MRPL45: variants seen among roughly 807,000 people sequenced by gnomAD.
MRPL45 encodes the protein mitochondrial ribosomal protein L45, also known as large ribosomal subunit protein mL45.
A neutral mutation model predicts 38.1 loss-of-function variants in MRPL45; 20 were observed. The ratio of observed to expected loss-of-function variants is 0.53; its 90% CI spans 0.37 to 0.76. The LOEUF (loss-of-function observed/expected upper bound fraction) is 0.76, where lower values mean the gene tolerates loss of function less well. MRPL45 is among the 30% of genes least tolerant of loss of function. The pLI, the probability that MRPL45 is intolerant of heterozygous loss-of-function variation, is 0.00. For missense variants in MRPL45, 337 were observed against 395.6 expected (o/e 0.85, Z 1.26); for synonymous variants, 105 against 128.8 (o/e 0.82, Z 1.25).
intron 4 of MRPL45, among the ~76,000 whole-genome samples, chr17:38,309,086 T>C (rs1322769771): frequency 1.3e-5 from 2 of 151,022 alleles, no homozygotes; most frequent in African/African-American, 2.4e-5. Flanking sequence ...TTTGTATTTT[T>C]AGTAGAGACA....
chr17:38,313,170 G>A (rs542122270), intron 4 of MRPL45, among the ~76,000 whole-genome samples: 58 of 149,582 alleles, frequency 3.9e-4, no homozygotes, highest in African/African-American at 1.3e-3. Flanking sequence ...ATTTTTAGTA[G>A]AGATGGGGTT....
chr17:38,314,166 G>A (rs193223831), intron 4 of MRPL45, among the ~76,000 whole-genome samples: 39 of 151,086 alleles, frequency 2.6e-4, no homozygotes, highest in Admixed American at 2.2e-3. Context: ...GTGCAATGGC[G>A]TGATCTCGGC....
intron 4 of MRPL45, among the ~76,000 whole-genome samples, chr17:38,314,403 G>A (rs1250054790): frequency 1.3e-5 from 2 of 152,098 alleles, no homozygotes; most frequent in South Asian, 2.1e-4. Flanking sequence ...TGCGCCTGCC[G>A]TCTTTTCACT....
At chr17:38,319,683 C>T (rs1268470891) in intron 5 of MRPL45, among the ~76,000 whole-genome samples, 1 of 152,158 alleles carries the variant, frequency 6.6e-6, no homozygotes, top group Non-Finnish European at 1.5e-5. Flanking sequence ...CATCTCCACA[C>T]GCCTGCACTA....
intron 4 of MRPL45, among the ~76,000 whole-genome samples, chr17:38,317,136 A>C (rs915803430): frequency 1.2e-4 from 18 of 152,098 alleles, no homozygotes; most frequent in African/African-American, 4.3e-4. Flanking sequence ...TAGAAGTAGT[A>C]TTACATTATT....
Position 38,297,254 on chromosome 17 carries a change from G to A in MRPL45, c.66+5G>A. The A allele has an allele frequency of 2.5e-6, 4 of 1,613,998 alleles. No individual in the cohort carries two copies. Among genetic ancestry groups the A allele is most frequent in the Non-Finnish European group, 8.5e-7 (1 of 1,179,862 alleles). ...TTGGGCTGGTGGTCTCGGCAGGTGG[G>A]TAGGGACGGGGCCGATAGGACCCTA... On this transcript the variant is annotated splice_donor_5th_base_variant and intron_variant, in intron 1 of 7. Coordinates refer to ENST00000613675, the MANE Select transcript of MRPL45 (RefSeq NM_032351.6).
chr17:38,301,048 G>A (rs1030105103), intron 3 of MRPL45, among the ~76,000 whole-genome samples: 5 of 152,162 alleles, frequency 3.3e-5, no homozygotes, highest in Non-Finnish European at 5.9e-5. Context: ...GATATCTTCA[G>A]TGGTATACAA....
intron 4 of MRPL45, among the ~76,000 whole-genome samples, chr17:38,313,500 G>A (rs2037145670): frequency 6.7e-6 from 1 of 148,236 alleles, no homozygotes; most frequent in Non-Finnish European, 1.5e-5. Flanking sequence ...AGGACTACAG[G>A]TGTGAGCCAC....
intron 5 of MRPL45, among the ~76,000 whole-genome samples, chr17:38,319,601 G>A (rs771650301): frequency 1.3e-5 from 2 of 152,160 alleles, no homozygotes; most frequent in Non-Finnish European, 2.9e-5. Flanking sequence ...AATGAAAGAA[G>A]TCCCTCAACA....
At chr17:38,304,694 C>T (rs2037033201) in intron 3 of MRPL45, among the ~76,000 whole-genome samples, 3 of 152,098 alleles carry the variant, frequency 2.0e-5, no homozygotes, top group South Asian at 4.1e-4. Context: ...CGGGCGCCTG[C>T]CACCACGCCC....
rs548638903 is a variant in MRPL45, at chr17:38,315,568, C to A, written c.462-3119C>A. Among the ~76,000 whole-genome samples the A allele has an allele frequency of 5.3e-5, 8 of 152,018 alleles. No homozygotes were observed. In the East Asian group the frequency reaches 1.5e-3, roughly 29 times the overall value. ...ATAGGCATGAGCTGCTGTGCCCAGC[C>A]TATTGCCACTTTCAAGATTCATTCT... On this transcript the variant is annotated intron_variant, in intron 4 of 7. Coordinates refer to ENST00000613675, the MANE Select transcript of MRPL45 (RefSeq NM_032351.6).
chr17:38,310,334 GTT>G (rs1183417154), intron 4 of MRPL45, among the ~76,000 whole-genome samples: 2 of 137,488 alleles, frequency 1.5e-5, no homozygotes, highest in Non-Finnish European at 1.6e-5. Context: ...TTTTGTTTTT[GTT>G]TTTTTTTTTT....
Position 38,318,227 on chromosome 17 carries a change from AAAGAT to A in MRPL45, c.462-458_462-454del, listed in dbSNP as rs1447695951. Among the ~76,000 whole-genome samples the A allele has an allele frequency of 5.3e-5, 8 of 150,920 alleles. 1 individual carries two copies. Among genetic ancestry groups the A allele is most frequent in the Non-Finnish European group, 3.0e-5 (2 of 67,776 alleles). ...GTCTCAAAAAAAAAAAAAAAAAAAA[AAAGAT>A]ATAAGGCCAAGCCAGATGGTACTGA... On this transcript the variant is annotated intron_variant, in intron 4 of 7. Coordinates refer to ENST00000613675, the MANE Select transcript of MRPL45 (RefSeq NM_032351.6).
chr17:38,308,008 G>A lies in MRPL45; in HGVS notation c.461+1377G>A, dbSNP rs945210024. On this transcript the variant is annotated intron_variant, in intron 4 of 7. Coordinates refer to ENST00000613675, the MANE Select transcript of MRPL45 (RefSeq NM_032351.6). ...GCAGCCTCAGCTCCGGGGCTCAAGCGATCCTCCCATCTCAGCCCCCTGAGT... is the reference window on the plus strand; with the variant it reads ...GCAGCCTCAGCTCCGGGGCTCAAGCAATCCTCCCATCTCAGCCCCCTGAGT... Among the ~76,000 whole-genome samples the A allele has an allele frequency of 4.6e-5, 7 of 151,964 alleles. No homozygotes were observed. The East Asian group carries it at 5.8e-4, about 13-fold the overall frequency.
intron 3 of MRPL45, among the ~76,000 whole-genome samples, chr17:38,306,148 G>A (rs1434424874): frequency 1.3e-5 from 2 of 151,652 alleles, no homozygotes; most frequent in Admixed American, 6.6e-5. Flanking sequence ...GGTAGCTCAC[G>A]CCTGTAATCC....
In MRPL45 at chr17:38,298,522, A is replaced by T. The variant is rs149031866; in HGVS notation, c.140A>T (p.Gln47Leu). 42 of 1,613,818 alleles carry T rather than the reference A, an allele frequency of 2.6e-5. No individual in the cohort carries two copies. The highest frequency in any genetic ancestry group is 3.4e-5 in the Non-Finnish European group (40 of 1,179,880). ...AAACGTTTCACACCTCCTATTTATCAACCTAAATTTAAAACAGAAAAGGAG... is the reference window on the plus strand; with the variant it reads ...AAACGTTTCACACCTCCTATTTATCTACCTAAATTTAAAACAGAAAAGGAG... ...TKKRFTPPIY[Q>L]PKFKTEKEFM... The change falls in exon 2 of 8, where the codon CAA (glutamine) becomes CTA (leucine). Residue 47 changes from glutamine to leucine, a missense_variant. Physicochemically the swap from Gln to Leu is moderately radical, Grantham distance 113. This residue lies in a region of MRPL45 where 60 missense variants were observed against 109.6 expected (regional missense o/e 0.55). Transcript: ENST00000613675.
intron 4 of MRPL45, among the ~76,000 whole-genome samples, chr17:38,311,824 C>T (rs2037115421): frequency 6.6e-6 from 1 of 152,130 alleles, no homozygotes; most frequent in Admixed American, 6.6e-5. Flanking sequence ...TCTTGGACTT[C>T]CCAGCCTCTA....
At chr17:38,306,717 T>C (rs1273299277) in intron 4 of MRPL45, 86 bp downstream of exon 4, 1 of 1,571,232 alleles carries the variant, frequency 6.4e-7, no homozygotes, top group African/African-American at 1.4e-5. Context: ...TTTGTTTTTG[T>C]TTTGCACAAA....
At chr17:38,321,727 T>C (rs2144242787) in intron 6 of MRPL45, among the ~76,000 whole-genome samples, 1 of 150,204 alleles carries the variant, frequency 6.7e-6, no homozygotes, top group South Asian at 2.1e-4. Context: ...CTTATGGTGG[T>C]TTCAAAAATG....
Sources: gnomAD v4.1 joint callset for allele counts (sites outside exome capture counted in the v4.1 genomes callset) on GRCh38, gnomAD v4.1.1 for gene constraint, gnomAD v4.1.1 regional missense constraint, MANE v1.5 for transcripts, NCBI Gene and HGNC (gene_info 2026-07-23, HGNC 2026-07-21) for gene names.